The following NXN variants were observed in gnomAD, a reference collection of about 807,000 sequenced individuals.
NXN encodes nucleoredoxin 1.
A neutral mutation model predicts 48.6 loss-of-function variants in NXN; 16 were observed. The observed-to-expected ratio is 0.33, with a 90% CI of 0.22 to 0.50. The LOEUF is 0.50. Among genes scored for constraint, NXN ranks in the 20% least tolerant of loss-of-function variants. The pLI is 0.98. For missense variants in NXN, 492 were observed against 605.5 expected (o/e 0.81, Z 1.97); for synonymous variants, 281 against 269.6 (o/e 1.04, Z -0.41).
In NXN at chr17:812,844, GTGTGTGCA is replaced by G. The variant is rs1194009741; in HGVS notation, c.820+6587_820+6594del. 4.8e-5 allele frequency among the ~76,000 whole-genome samples: 7 copies of G among 145,226 alleles called. No homozygotes were observed. The South Asian group carries it at 6.9e-4, about 14-fold the overall frequency. On this transcript the variant is annotated intron_variant, in intron 5 of 7. Coordinates refer to ENST00000336868, the MANE Select transcript of NXN (RefSeq NM_022463.5). ...TGCGAGTGTGCATGTGTGAGTGTAG[GTGTGTGCA>G]TGTGTGTAGGTGTGTGTGGGTGTGT...
At chr17:882,826 G>A (rs9907447) in intron 1 of NXN, among the ~76,000 whole-genome samples, 12 of 151,722 alleles carry the variant, frequency 7.9e-5, no homozygotes, top group African/African-American at 2.7e-4. Context: ...GCAGTGGCGC[G>A]ATCTTGGCTT....
intron 1 of NXN, among the ~76,000 whole-genome samples, chr17:935,575 G>A (rs2068899539): frequency 1.3e-5 from 2 of 152,158 alleles, no homozygotes; most frequent in Non-Finnish European, 2.9e-5. Context: ...TCTGATCAAT[G>A]AGCTCTGCGC....
intron 1 of NXN, among the ~76,000 whole-genome samples, chr17:968,152 G>A (rs2069329093): frequency 6.6e-6 from 1 of 150,656 alleles, no homozygotes; most frequent in Non-Finnish European, 1.5e-5. Context: ...CAAGATCATT[G>A]AGGAGGTGGG....
intron 1 of NXN, among the ~76,000 whole-genome samples, chr17:915,412 T>C (rs1031432620): frequency 1.3e-5 from 2 of 152,158 alleles, no homozygotes; most frequent in Non-Finnish European, 2.9e-5. Context: ...GCCTCCCAAG[T>C]AGCTGGGACT....
At chr17:875,181 G>A (rs888083390) in intron 1 of NXN, among the ~76,000 whole-genome samples, 14 of 151,954 alleles carry the variant, frequency 9.2e-5, no homozygotes, top group Non-Finnish European at 1.3e-4. Context: ...ACAGGCGCAC[G>A]CCACCATGCC....
intron 1 of NXN, among the ~76,000 whole-genome samples, chr17:832,181 T>G (rs780925139): frequency 2.1e-4 from 31 of 151,214 alleles, no homozygotes; most frequent in Non-Finnish European, 3.8e-4. Context: ...AGCCAGGAAT[T>G]TTTTTTTCTT....
rs544138993 is a variant in NXN, at chr17:937,236, G to A, written c.360+42083C>T. On this transcript the variant is annotated intron_variant, in intron 1 of 7. Transcript: ENST00000336868. The stretch of plus-strand genomic sequence containing the variant: ...TGAGCTCGGGTGATCCGCCCGCCTC[G>A]GCCTCCCAAGGTGCTGGGTGCATTT... Among the ~76,000 whole-genome samples the A allele has an allele frequency of 4.6e-5, 7 of 152,104 alleles. No homozygotes were observed. The South Asian group carries it at 6.2e-4, about 14-fold the overall frequency.
chr17:859,729 C>T (rs2068022955), intron 1 of NXN, among the ~76,000 whole-genome samples: 1 of 152,188 alleles, frequency 6.6e-6, no homozygotes, highest in Non-Finnish European at 1.5e-5. Flanking sequence ...ATGGACCATC[C>T]AAACCAAACT....
At chr17:943,143 G>A (rs2068999245) in intron 1 of NXN, among the ~76,000 whole-genome samples, 1 of 152,202 alleles carries the variant, frequency 6.6e-6, no homozygotes, top group Non-Finnish European at 1.5e-5. Flanking sequence ...ATAACCGTCG[G>A]TTTCTTAAGG....
chr17:936,600 G>A (rs998259155), intron 1 of NXN, among the ~76,000 whole-genome samples: 2 of 151,288 alleles, frequency 1.3e-5, no homozygotes, highest in African/African-American at 4.9e-5. Flanking sequence ...GAGGTGTGTC[G>A]GCCTGCCTCA....
At chr17:896,461 C>G (rs1192814303) in intron 1 of NXN, among the ~76,000 whole-genome samples, 1 of 152,118 alleles carries the variant, frequency 6.6e-6, no homozygotes, top group Non-Finnish European at 1.5e-5. Flanking sequence ...GAGCTGTGAT[C>G]GTGCCACGGC....
chr17:928,027 A>C (rs2068818894), intron 1 of NXN, among the ~76,000 whole-genome samples: 1 of 151,982 alleles, frequency 6.6e-6, no homozygotes, highest in Non-Finnish European at 1.5e-5. Context: ...CAGATTGTAA[A>C]CTTGAAGAGG....
At chr17:947,356 T>C (rs1349476502) in intron 1 of NXN, among the ~76,000 whole-genome samples, 4 of 152,110 alleles carry the variant, frequency 2.6e-5, no homozygotes, top group African/African-American at 9.7e-5. Flanking sequence ...TACACAGGCA[T>C]TGAGCTGATT....
At chr17:909,581 C>T (rs2068615356) in intron 1 of NXN, 1 of 146,936 alleles carries the variant, frequency 6.8e-6, no homozygotes, top group African/African-American at 2.5e-5. Flanking sequence ...CTCTGTCCCC[C>T]AGGCTGGAGT....
At chr17:968,964 AAAAGAAAAG>A (rs938729152) in intron 1 of NXN, among the ~76,000 whole-genome samples, 5 of 152,048 alleles carry the variant, frequency 3.3e-5, no homozygotes, top group African/African-American at 4.8e-5. Context: ...AAAGAAAAAG[AAAAGAAAAG>A]AAAGAAAAGA....
In NXN at chr17:802,366, C is replaced by T. The variant is rs940909249; in HGVS notation, c.1126-1235G>A. Reference sequence around the variant, plus strand: ...AGCAAACTGCCTTGGAGCAGCCCCTCGTCCACTCTGAACCTTGCCTCCCTC... The same window carrying T: ...AGCAAACTGCCTTGGAGCAGCCCCTTGTCCACTCTGAACCTTGCCTCCCTC... On this transcript the variant is annotated intron_variant, in intron 7 of 7. Transcript: ENST00000336868. 3.3e-5 allele frequency among the ~76,000 whole-genome samples: 5 copies of T among 152,182 alleles called. No homozygotes were observed. In the South Asian group the frequency reaches 8.3e-4, roughly 25 times the overall value.
At position 813,744 on chromosome 17, in the gene NXN, A is replaced by G. The variant is rs534341798; in HGVS notation, c.820+5695T>C. ...AGCACTTTGGGAGGCCAAGGCGGGC[A>G]CATCACGAGGTCAGGAGTTTGAGAC... On this transcript the variant is annotated intron_variant, in intron 5 of 7. Coordinates refer to ENST00000336868, the MANE Select transcript of NXN (RefSeq NM_022463.5). Among the ~76,000 whole-genome samples, 16 of 152,092 alleles carry G rather than the reference A, an allele frequency of 1.1e-4. No individual in the cohort carries two copies. The South Asian group carries it at 2.1e-3, about 20-fold the overall frequency.
At chr17:833,466 C>T (rs1324891619) in intron 1 of NXN, among the ~76,000 whole-genome samples, 2 of 152,154 alleles carry the variant, frequency 1.3e-5, no homozygotes, top group Non-Finnish European at 2.9e-5. Context: ...AAGAAATGAT[C>T]AGCAAGATTC....
chr17:963,210 GACGGACACACACACAC>G (rs1219353162), intron 1 of NXN, among the ~76,000 whole-genome samples: 1 of 141,078 alleles, frequency 7.1e-6, no homozygotes, highest in African/African-American at 2.7e-5. Flanking sequence ...TAGGTACTGG[GACGGACACACACACAC>G]ACACACACAC....
Sources: allele counts gnomAD v4.1 joint callset (sites outside exome capture counted in the v4.1 genomes callset), GRCh38; gene constraint gnomAD v4.1.1; transcripts MANE v1.5; gene names NCBI Gene and HGNC (gene_info 2026-07-23, HGNC 2026-07-21).